Variants in PTPRT observed in about 807,000 individuals in gnomAD.
PTPRT encodes the protein protein tyrosine phosphatase receptor type T, also known as receptor-type tyrosine-protein phosphatase T.
In PTPRT, 56 loss-of-function variants were observed where a neutral mutation model predicts 176.8. That is an observed-to-expected ratio of 0.32 (90% CI 0.26 to 0.40). The LOEUF is 0.40. Ranked by LOEUF, PTPRT falls within the 10% of genes least tolerant of loss-of-function variation. The pLI is 1.00. For missense variants in PTPRT, 1,540 were observed against 1,908.2 expected (o/e 0.81, Z 3.60); for synonymous variants, 783 against 739.0 (o/e 1.06, Z -0.96).
intron 29 of PTPRT, 114 bp downstream of exon 29, chr20:42,084,568 G>A (rs1404734116): frequency 1.1e-6 from 1 of 926,838 alleles, no homozygotes; most frequent in Admixed American, 4.2e-5. Context: ...GAGGGATGTT[G>A]AGTTGTGGTA....
chr20:42,123,436 C>A (rs1455060247), intron 19 of PTPRT, among the ~76,000 whole-genome samples: 1 of 152,164 alleles, frequency 6.6e-6, no homozygotes, highest in Admixed American at 6.5e-5. Flanking sequence ...TTATAGACAT[C>A]AACAGACTGG....
intron 7 of PTPRT, among the ~76,000 whole-genome samples, chr20:42,635,044 T>C (rs2074563842): frequency 6.6e-6 from 1 of 152,122 alleles, no homozygotes; most frequent in Admixed American, 6.6e-5. Context: ...TTAAAGTCAA[T>C]TACCTTTAAT....
intron 1 of PTPRT, among the ~76,000 whole-genome samples, chr20:43,050,028 C>G (rs149570078): frequency 4.3e-4 from 66 of 152,324 alleles, no homozygotes; most frequent in African/African-American, 1.5e-3. Flanking sequence ...TTATGGTGCC[C>G]ATTTCAAAGG....
At chr20:42,872,895 G>C (rs2078869645) in intron 2 of PTPRT, among the ~76,000 whole-genome samples, 1 of 152,118 alleles carries the variant, frequency 6.6e-6, no homozygotes, top group Non-Finnish European at 1.5e-5. Context: ...GAGTTCCCAG[G>C]GATGCTTCCT....
intron 1 of PTPRT, among the ~76,000 whole-genome samples, chr20:43,156,065 T>C (rs546814036): frequency 3.3e-5 from 5 of 152,174 alleles, no homozygotes; most frequent in Admixed American, 1.3e-4. Flanking sequence ...CCAAGCAACA[T>C]TGAACTTCCC....
chr20:42,450,559 T>C (rs1452545634), intron 8 of PTPRT, among the ~76,000 whole-genome samples: 1 of 152,222 alleles, frequency 6.6e-6, no homozygotes, highest in Non-Finnish European at 1.5e-5. Context: ...CTTTGTCTTA[T>C]GGGCTCGTCA....
chr20:42,150,134 A>G (rs1352503619), intron 17 of PTPRT, among the ~76,000 whole-genome samples: 1 of 152,154 alleles, frequency 6.6e-6, no homozygotes, highest in Non-Finnish European at 1.5e-5. Context: ...ATCCTTCTTT[A>G]GACACTCTTC....
Position 42,621,189 on chromosome 20 carries a change from G to T in PTPRT, c.1153+56677C>A, listed in dbSNP as rs555238847. 5.2e-4 allele frequency among the ~76,000 whole-genome samples: 79 copies of T among 152,232 alleles called. 1 individual carries two copies. Among genetic ancestry groups the T allele is most frequent in the Middle Eastern group, 3.4e-3 (1 of 294 alleles). On this transcript the variant is annotated intron_variant, in intron 7 of 30. Transcript: ENST00000373187. ...CCCCCTCTGCCCTGTCCTAAAGCAA[G>T]GTGCATCCTTCCCCCTGGGCTCTAG...
intron 1 of PTPRT, among the ~76,000 whole-genome samples, chr20:42,983,756 A>G (rs6030583): frequency 1.4e-4 from 22 of 152,056 alleles, no homozygotes; most frequent in African/African-American, 5.3e-4. Context: ...CTTCCACCCC[A>G]CTGTCGTGTT....
chr20:43,141,635 G>A (rs967794335), intron 1 of PTPRT, among the ~76,000 whole-genome samples: 2 of 152,194 alleles, frequency 1.3e-5, no homozygotes, highest in African/African-American at 2.4e-5. Context: ...ATGGGAAAAT[G>A]TACAGTGTTG....
At chr20:42,943,222 G>A (rs984788806) in intron 1 of PTPRT, among the ~76,000 whole-genome samples, 4 of 152,338 alleles carry the variant, frequency 2.6e-5, no homozygotes, top group African/African-American at 9.6e-5. Context: ...TTGGGAAAAT[G>A]TCACAGTGTG....
At chr20:42,099,546 C>CGGGGGGGGGGGG (rs59137378) in intron 26 of PTPRT, among the ~76,000 whole-genome samples, 1 of 28,910 alleles carries the variant, frequency 3.5e-5, no homozygotes, top group Non-Finnish European at 6.8e-5. Context: ...ATGGCCTGGG[C>CGGGGGGGGGGGG]GGGGGGGGGG....
intron 12 of PTPRT, among the ~76,000 whole-genome samples, chr20:42,287,103 T>G (rs1234282638): frequency 6.6e-6 from 1 of 151,934 alleles, no homozygotes; most frequent in East Asian, 1.9e-4. Flanking sequence ...GCTGAGGATG[T>G]GCAGAAAAGG....
intron 1 of PTPRT, among the ~76,000 whole-genome samples, chr20:43,111,424 A>AT (rs1255619443): frequency 6.6e-6 from 1 of 151,912 alleles, no homozygotes; most frequent in Non-Finnish European, 1.5e-5. Context: ...CATGCCTGTA[A>AT]TCCTAGCTAC....
At chr20:42,925,589 C>T (rs984534788) in intron 1 of PTPRT, among the ~76,000 whole-genome samples, 2 of 152,270 alleles carry the variant, frequency 1.3e-5, no homozygotes, top group South Asian at 2.1e-4. Flanking sequence ...TTCCATGAAC[C>T]ACCAGTAATG....
chr20:42,041,579 G>A, the PTPRT span, among the ~76,000 whole-genome samples: 1 of 152,234 alleles, frequency 6.6e-6, no homozygotes, highest in South Asian at 2.1e-4. Flanking sequence ...TATATTAAAA[G>A]GAAACAGTTC....
intron 2 of PTPRT, among the ~76,000 whole-genome samples, chr20:42,798,688 A>G (rs1310762022): frequency 6.6e-6 from 1 of 152,204 alleles, no homozygotes; most frequent in Non-Finnish European, 1.5e-5. Context: ...GAATATTGTG[A>G]ACATTTTGTC....
chr20:42,895,065 G>A (rs1031194540), intron 1 of PTPRT, among the ~76,000 whole-genome samples: 1 of 152,326 alleles, frequency 6.6e-6, no homozygotes, highest in African/African-American at 2.4e-5. Context: ...TTTTTTAACT[G>A]GGGGGTTGTT....
At position 43,026,785 on chromosome 20, in the gene PTPRT, T is replaced by C. The variant is rs569782790; in HGVS notation, c.89-140853A>G. On this transcript the variant is annotated intron_variant, in intron 1 of 30. Transcript: ENST00000373187. ...AACCATCTTTCTGTTCTCTATTGTT[T>C]TAATTTTTAGCTCCCAAAAATAAGT... Among the ~76,000 whole-genome samples, 230 of 152,298 alleles carry C rather than the reference T, an allele frequency of 1.5e-3. 2 individuals carry two copies. Among genetic ancestry groups the C allele is most frequent in the Non-Finnish European group, 2.4e-3 (164 of 68,032 alleles).
Sources: gnomAD v4.1 joint callset for allele counts (sites outside exome capture counted in the v4.1 genomes callset) on GRCh38, gnomAD v4.1.1 for gene constraint, MANE v1.5 for transcripts, NCBI Gene and HGNC (gene_info 2026-07-23, HGNC 2026-07-21) for gene names.